Variants in HECTD4 observed in about 807,000 individuals in gnomAD.
HECTD4 encodes HECT domain E3 ubiquitin protein ligase 4, also known as probable E3 ubiquitin-protein ligase HECTD4.
A neutral mutation model predicts 471.5 loss-of-function variants in HECTD4; 114 were observed. The ratio of observed to expected loss-of-function variants is 0.24; its 90% CI spans 0.21 to 0.28. HECTD4 has a LOEUF of 0.28. HECTD4 is among the 10% of genes least tolerant of loss of function. The pLI, the probability that HECTD4 is intolerant of heterozygous loss-of-function variation, is 1.00. For synonymous variants in HECTD4, 2,012 were observed against 2,256.0 expected (o/e 0.89, Z 3.07); for missense variants, 3,866 against 5,651.5 (o/e 0.68, Z 10.13).
chr12:112,320,238 G>A (rs892894569), intron 1 of HECTD4, among the ~76,000 whole-genome samples: 1 of 152,064 alleles, frequency 6.6e-6, no homozygotes, highest in Non-Finnish European at 1.5e-5. Context: ...GGGAGACTGA[G>A]GTGGGAGGAT....
chr12:112,348,685 A>G (rs927874264), intron 1 of HECTD4, among the ~76,000 whole-genome samples: 39 of 152,266 alleles, frequency 2.6e-4, no homozygotes, highest in African/African-American at 9.4e-4. Context: ...TCGAAGTTGC[A>G]GTGAGCTATG....
intron 11 of HECTD4, among the ~76,000 whole-genome samples, chr12:112,271,411 C>T (rs545651273): frequency 2.6e-5 from 4 of 152,274 alleles, no homozygotes; most frequent in Admixed American, 1.3e-4. Flanking sequence ...ATCTGGCAGA[C>T]ATCATTTAAA....
chr12:112,221,828 C>G (rs2033105042), intron 44 of HECTD4, among the ~76,000 whole-genome samples: 1 of 151,534 alleles, frequency 6.6e-6, no homozygotes, highest in African/African-American at 2.4e-5. Context: ...GATCTCGGCT[C>G]ACTACAACCT....
chr12:112,365,270 C>T lies in HECTD4; in HGVS notation c.177+16682G>A, dbSNP rs369732889. Among the ~76,000 whole-genome samples, 212 of 152,048 alleles carry T rather than the reference C, an allele frequency of 1.4e-3. 4 individuals are homozygous for T. In the South Asian group the frequency reaches 0.017, roughly 12 times the overall value. On this transcript the variant is annotated intron_variant, in intron 1 of 75. Coordinates refer to ENST00000682272, the MANE Select transcript of HECTD4 (RefSeq NM_001388303.1). ...TTAATCAATATGGATTATTACTAGCCGGGTGTGGTGGCATATGCCTATAGT... is the reference window on the plus strand; with the variant it reads ...TTAATCAATATGGATTATTACTAGCTGGGTGTGGTGGCATATGCCTATAGT...
intron 50 of HECTD4, among the ~76,000 whole-genome samples, chr12:112,208,893 CTTTTTTTTTTTTTT>C (rs756330403): frequency 1.4e-5 from 1 of 72,458 alleles, no homozygotes; most frequent in Non-Finnish European, 2.5e-5. Flanking sequence ...ACTAAACAGG[CTTTTTTTTTTTTTT>C]TTTTTTTTTT....
intron 24 of HECTD4, 110 bp from the exon 25 acceptor site, chr12:112,250,487 AG>A (rs1164594057): frequency 3.9e-6 from 3 of 773,522 alleles, no homozygotes; most frequent in Non-Finnish European, 6.3e-6. Context: ...TTCTGTGTTA[AG>A]TAATTACTCA....
At chr12:112,259,035 T>G in intron 19 of HECTD4, 77 bp downstream of exon 19, 1 of 1,293,846 alleles carries the variant, frequency 7.7e-7, no homozygotes, top group East Asian at 2.5e-5. Context: ...TTATTCTGTC[T>G]TCAGTGAAAG....
intron 50 of HECTD4, among the ~76,000 whole-genome samples, 163 bp from the exon 51 acceptor site, chr12:112,208,793 C>G (rs2032669988): frequency 6.7e-6 from 1 of 150,042 alleles, no homozygotes; most frequent in Admixed American, 6.7e-5. Flanking sequence ...AACTAATTAT[C>G]TATAATTACC....
chr12:112,371,126 T>C (rs1425580950), intron 1 of HECTD4, among the ~76,000 whole-genome samples: 2 of 152,118 alleles, frequency 1.3e-5, no homozygotes, highest in Non-Finnish European at 2.9e-5. Flanking sequence ...AGCCAACAGG[T>C]AGTATTTTAT....
At chr12:112,296,761 T>C (rs941762356) in intron 7 of HECTD4, among the ~76,000 whole-genome samples, 1 of 149,350 alleles carries the variant, frequency 6.7e-6, no homozygotes, top group African/African-American at 2.5e-5. Flanking sequence ...GCAGTGGATG[T>C]AGGTGCAGAT....
chr12:112,223,458 C>T (rs1191805124), intron 44 of HECTD4, among the ~76,000 whole-genome samples: 5 of 152,136 alleles, frequency 3.3e-5, no homozygotes, highest in African/African-American at 9.7e-5. Flanking sequence ...CTTGCTCTGT[C>T]TCCCAGGCTG....
intron 44 of HECTD4, among the ~76,000 whole-genome samples, chr12:112,221,373 C>T (rs1033345993): frequency 3.3e-5 from 5 of 152,114 alleles, no homozygotes; most frequent in African/African-American, 4.8e-5. Context: ...CTCAGCCTCC[C>T]GAGTAGCTGG....
intron 38 of HECTD4, 94 bp from the exon 39 acceptor site, chr12:112,231,809 C>T: frequency 9.7e-7 from 1 of 1,029,162 alleles, no homozygotes; most frequent in East Asian, 2.6e-5. Flanking sequence ...CAAAGCAATC[C>T]ACACTCATTT....
chr12:112,276,170 C>T (rs748707744), intron 9 of HECTD4, among the ~76,000 whole-genome samples: 4 of 152,108 alleles, frequency 2.6e-5, no homozygotes, highest in African/African-American at 9.7e-5. Context: ...CCACAGTAGC[C>T]GAAGAGGAAC....
At position 112,247,457 on chromosome 12, in the gene HECTD4, C is replaced by G. The variant is rs2033788209; in HGVS notation, c.4337+5G>C. ...ATAGCCTTAATAGTTATTAATACGA[C>G]TAACCTCAGTGATAGGACCATGTTT... On this transcript the variant is annotated splice_donor_5th_base_variant and intron_variant, in intron 28 of 75. Coordinates refer to ENST00000682272, the MANE Select transcript of HECTD4 (RefSeq NM_001388303.1). The G allele has an allele frequency of 6.8e-7, 1 of 1,465,042 alleles. No individual in the cohort carries two copies. Among genetic ancestry groups the G allele is most frequent in the South Asian group, 1.3e-5 (1 of 76,942 alleles). The allele number at this position is 1,465,042 out of a possible 1,614,324, so 90.8% of individuals were successfully genotyped here. A position where few individuals can be genotyped will look rare whatever the true frequency, so the allele number is the denominator to read the frequency against.
chr12:112,219,238 C>A (rs375054728), intron 45 of HECTD4, 148 bp downstream of exon 45: 3 of 471,470 alleles, frequency 6.4e-6, no homozygotes, highest in Non-Finnish European at 1.1e-5. Flanking sequence ...GAGAGCATGG[C>A]ACCGCAAAGA....
intron 1 of HECTD4, among the ~76,000 whole-genome samples, chr12:112,343,305 T>C (rs1430466163): frequency 6.6e-6 from 1 of 152,234 alleles, no homozygotes; most frequent in African/African-American, 2.4e-5. Context: ...TTATTTGACA[T>C]TCTATTTCTT....
In HECTD4 at chr12:112,172,827, C is replaced by A. The variant is rs766951938; in HGVS notation, c.11629G>T (p.Ala3877Ser). ...ACIDVRHAQK[A>S]SRKWTLEMDV... The stretch of plus-strand genomic sequence containing the variant: ...ATCTCCAGGGTCCACTTTCTTGAGG[C>A]CTTCTGTGCATGTCGGACATCGATG... The change falls in exon 67 of 76, where the codon GCC becomes TCC. Residue 3877 changes from alanine (A) to serine (S), a missense_variant. Transcript: ENST00000682272. 6.2e-6 allele frequency: 10 copies of A among 1,613,852 alleles called. No homozygotes were observed. Among genetic ancestry groups the A allele is most frequent in the African/African-American group, 1.3e-5 (1 of 74,898 alleles).
At chr12:112,165,093 G>GT (rs767145513) in intron 72 of HECTD4, among the ~76,000 whole-genome samples, 20 of 148,930 alleles carry the variant, frequency 1.3e-4, no homozygotes, top group Non-Finnish European at 2.7e-4. Flanking sequence ...GCTAATTTTT[G>GT]TATTTTTAGT....
Sources: gnomAD v4.1 joint callset for allele counts (sites outside exome capture counted in the v4.1 genomes callset) on GRCh38, gnomAD v4.1.1 for gene constraint, MANE v1.5 for transcripts, NCBI Gene and HGNC (gene_info 2026-07-23, HGNC 2026-07-21) for gene names.